MAP3K4: variants seen among roughly 807,000 people sequenced by gnomAD.
MAP3K4 encodes mitogen-activated protein kinase kinase kinase 4, also known as MAP three kinase 1.
A neutral mutation model predicts 185.6 loss-of-function variants in MAP3K4; 67 were observed. The observed-to-expected ratio is 0.36, with a 90% CI of 0.30 to 0.44. MAP3K4 has a LOEUF of 0.44. Among genes scored for constraint, MAP3K4 ranks in the 20% least tolerant of loss-of-function variants. MAP3K4 has a pLI of 1.00. For synonymous variants in MAP3K4, 702 were observed against 710.4 expected, an observed-to-expected ratio of 0.99 and a Z score of 0.19; for missense variants, 1,551 against 1,995.1, an observed-to-expected ratio of 0.78 and a Z score of 4.24.
intron 15 of MAP3K4, among the ~76,000 whole-genome samples, chr6:161,094,833 C>T (rs1463416253): frequency 2.6e-5 from 4 of 152,124 alleles, no homozygotes; most frequent in Non-Finnish European, 4.4e-5. Flanking sequence ...ATTGCTTAAG[C>T]TGTGAATAAT....
intron 1 of MAP3K4, among the ~76,000 whole-genome samples, chr6:161,013,913 C>T (rs898489061): frequency 2.6e-5 from 4 of 152,118 alleles, no homozygotes; most frequent in Non-Finnish European, 5.9e-5. Context: ...CACTGGTGGG[C>T]GTGTCTTATG....
Position 161,116,730 on chromosome 6 carries a change from T to C in MAP3K4, c.4807-120T>C, listed in dbSNP as rs548291351. 1 of 815,636 alleles carries C rather than the reference T, an allele frequency of 1.2e-6. No homozygotes were observed. Among genetic ancestry groups the C allele is most frequent in the East Asian group, 2.4e-5 (1 of 41,034 alleles). The allele number at this position is 815,636 out of a possible 1,614,324, so 50.5% of individuals were successfully genotyped here. A position where few individuals can be genotyped will look rare whatever the true frequency, so the allele number is the denominator to read the frequency against. On this transcript the variant is annotated intron_variant, in intron 26 of 26. Coordinates refer to ENST00000392142, the MANE Select transcript of MAP3K4 (RefSeq NM_005922.4). The surrounding 1 kb of genome is among the most constrained non-coding windows in gnomAD (Gnocchi z 6.2). ...CTTAAGCCTTGCCCTCTGTGCCCAG[T>C]ACAGTGCTGGGAGCATCAGGATGAG...
Position 160,992,011 on chromosome 6 carries a change from C to T in MAP3K4, c.80C>T (p.Pro27Leu). The T allele has an allele frequency of 6.5e-7, 1 of 1,548,384 alleles. No individual in the cohort carries two copies. Among genetic ancestry groups the T allele is most frequent in the Non-Finnish European group, 8.7e-7 (1 of 1,153,790 alleles). Residue 27 changes from proline to leucine, a missense_variant, in exon 1 of 27, where the codon CCA (proline) becomes CTA (leucine). Physicochemically the swap from Pro to Leu is moderately conservative, Grantham distance 98. Around this residue, in one of 16 missense-constraint regions of MAP3K4, gnomAD observed 287 missense variants for 268.8 expected, o/e 1.07. Coordinates refer to ENST00000392142, the MANE Select transcript of MAP3K4 (RefSeq NM_005922.4). ...TPAAAMEEPP[P>L]PPPPPPPPPE... Reference sequence around the variant, plus strand: ...GCCGCCGCCATGGAGGAGCCGCCGCCACCGCCGCCGCCGCCACCACCGCCA... The same window carrying T: ...GCCGCCGCCATGGAGGAGCCGCCGCTACCGCCGCCGCCGCCACCACCGCCA...
rs751449758 is a variant in MAP3K4, at chr6:161,091,986, G to GATAT, written c.3136-22_3136-19dup. The GATAT allele has an allele frequency of 6.3e-6, 10 of 1,586,446 alleles. No homozygotes were observed. In the African/African-American group the frequency reaches 1.2e-4, roughly 19 times the overall value. On this transcript the variant is annotated intron_variant, in intron 12 of 26. Coordinates refer to ENST00000392142, the MANE Select transcript of MAP3K4 (RefSeq NM_005922.4). The surrounding 1 kb of genome is among the most constrained non-coding windows in gnomAD (Gnocchi z 5.5). ...ATTTAATGATCATTTCCTTAATGTT[G>GATAT]ATATACATGAAATCTTCTTACAGTA...
In MAP3K4 at chr6:161,116,843, C is replaced by T. The variant is rs1397665382; in HGVS notation, c.4807-7C>T. 21 of 1,613,996 alleles carry T rather than the reference C, an allele frequency of 1.3e-5. No homozygotes were observed. The highest frequency in any genetic ancestry group is 1.6e-5 in the Non-Finnish European group (19 of 1,179,970). On this transcript the variant is annotated splice_region_variant and splice_polypyrimidine_tract_variant and intron_variant, in intron 26 of 26. Transcript: ENST00000392142. This position sits in a 1 kb window ranked among gnomAD's most constrained non-coding sequence, Gnocchi z 6.2. The stretch of plus-strand genomic sequence containing the variant: ...CAAGAGCTCAGCTCTCTCCTGCTTC[C>T]TCACAGGTTTGCACAGATGAAGAAT...
Position 161,097,812 on chromosome 6 carries a change from G to T in MAP3K4, c.3525-466G>T, listed in dbSNP as rs1254134315. Among the ~76,000 whole-genome samples, 3 of 152,070 alleles carry T rather than the reference G, an allele frequency of 2.0e-5. No individual in the cohort carries two copies. Among genetic ancestry groups the T allele is most frequent in the Non-Finnish European group, 4.4e-5 (3 of 68,012 alleles). On this transcript the variant is annotated intron_variant, in intron 16 of 26. Transcript: ENST00000392142. This position sits in a 1 kb window ranked among gnomAD's most constrained non-coding sequence, Gnocchi z 4.9. The stretch of plus-strand genomic sequence containing the variant: ...TTTTTAAAGCTTTGAGGGGACCGGG[G>T]TGCGGTGACTCACGCCTGTAATTCC...
intron 6 of MAP3K4, among the ~76,000 whole-genome samples, chr6:161,083,417 T>G (rs1038860294): frequency 6.6e-6 from 1 of 152,232 alleles, no homozygotes; most frequent in African/African-American, 2.4e-5. Context: ...CATTCTAGTA[T>G]TTTTGTATAA....
rs1055973098 is a variant in MAP3K4, at chr6:161,022,016, G to A, written c.153-12243G>A. ...TTTGTCTCATCCCTTATAGAATCCTGTTTTCAATGAAAAAGAAAAAAGAAG... is the reference window on the plus strand; with the variant it reads ...TTTGTCTCATCCCTTATAGAATCCTATTTTCAATGAAAAAGAAAAAAGAAG... On this transcript the variant is annotated intron_variant, in intron 1 of 26. Transcript: ENST00000392142. The surrounding 1 kb of genome is among the most constrained non-coding windows in gnomAD (Gnocchi z 4.2). Among the ~76,000 whole-genome samples, 1 of 152,076 alleles carries A rather than the reference G, an allele frequency of 6.6e-6. No individual in the cohort carries two copies. The highest frequency in any genetic ancestry group is 2.4e-5 in the African/African-American group (1 of 41,408).
Position 161,109,514 on chromosome 6 carries a change from T to C in MAP3K4, c.4237-241T>C, listed in dbSNP as rs1170187371. Among the ~76,000 whole-genome samples, 5 of 152,194 alleles carry C rather than the reference T, an allele frequency of 3.3e-5. No individual in the cohort carries two copies. Among genetic ancestry groups the C allele is most frequent in the African/African-American group, 1.2e-4 (5 of 41,444 alleles). On this transcript the variant is annotated intron_variant, in intron 22 of 26. Transcript: ENST00000392142. The surrounding 1 kb of genome is among the most constrained non-coding windows in gnomAD (Gnocchi z 5.7). ...ATAATAGAAATTGATCCCCTGTGAT[T>C]TGGAGATGTTCTTATCCCCAAGAGC... is the stretch of plus-strand genomic sequence containing the variant.
In MAP3K4 at chr6:161,100,020, T is replaced by A. The variant is rs1370760704; in HGVS notation, c.3674+1593T>A. Among the ~76,000 whole-genome samples, 1 of 152,218 alleles carries A rather than the reference T, an allele frequency of 6.6e-6. No homozygotes were observed. Among genetic ancestry groups the A allele is most frequent in the Non-Finnish European group, 1.5e-5 (1 of 68,038 alleles). ...TCATAGCATGGTATCTTGAAGGACA[T>A]TTTTTACTCAGGATTCCCGTTTACT... On this transcript the variant is annotated intron_variant, in intron 17 of 26. Transcript: ENST00000392142. This position sits in a 1 kb window ranked among gnomAD's most constrained non-coding sequence, Gnocchi z 5.8.
At chr6:161,092,173 G>C in intron 13 of MAP3K4, 30 bp downstream of exon 13, 1 of 1,612,460 alleles carries the variant, frequency 6.2e-7, no homozygotes. Context: ...TTTCTGAAAT[G>C]TGTCATGTGG....
chr6:161,089,524 A>T, intron 11 of MAP3K4, 53 bp downstream of exon 11: 2 of 1,597,570 alleles, frequency 1.3e-6, no homozygotes, highest in Non-Finnish European at 1.7e-6. Flanking sequence ...GATGAAAGTC[A>T]GTGTGTGGTA....
intron 2 of MAP3K4, among the ~76,000 whole-genome samples, chr6:161,036,847 T>G (rs1434229842): frequency 6.6e-6 from 1 of 152,192 alleles, no homozygotes; most frequent in African/African-American, 2.4e-5. Flanking sequence ...AAATGCTAAT[T>G]GGAGCATTTT....
At position 161,061,511 on chromosome 6, in the gene MAP3K4, TTTGGAG is replaced by T. The variant is rs1470718777; in HGVS notation, c.1708-9093_1708-9088del. On this transcript the variant is annotated intron_variant, in intron 3 of 26. Coordinates refer to ENST00000392142, the MANE Select transcript of MAP3K4 (RefSeq NM_005922.4). The surrounding 1 kb of genome is among the most constrained non-coding windows in gnomAD (Gnocchi z 4.2). ...TTAAAGTGTTCAGTGGTTCTCTGTA[TTTGGAG>T]TTGTGCAACCATCACCACTGCAACC... Among the ~76,000 whole-genome samples, 5 of 152,236 alleles carry T rather than the reference TTTGGAG, an allele frequency of 3.3e-5. No individual in the cohort carries two copies. The highest frequency in any genetic ancestry group is 7.3e-5 in the Non-Finnish European group (5 of 68,038).
In MAP3K4 at chr6:161,087,902, C is replaced by A. The variant is rs758821045; in HGVS notation, c.2771C>A (p.Pro924His). 6.2e-7 allele frequency: 1 copy of A among 1,614,082 alleles called. No homozygotes were observed. The change falls in exon 10 of 27, where the codon CCT becomes CAT. Residue 924 changes from proline (P) to histidine (H), a missense_variant. Pro to His is a moderately conservative substitution (Grantham distance 77). Around this residue, in one of 16 missense-constraint regions of MAP3K4, gnomAD observed 261 missense variants for 306.5 expected, o/e 0.85. Coordinates refer to ENST00000392142, the MANE Select transcript of MAP3K4 (RefSeq NM_005922.4). This position sits in a 1 kb window ranked among gnomAD's most constrained non-coding sequence, Gnocchi z 4.9. ...AGCTGGGGCACCTGGGAGGCACAGC[C>A]TGTCAAAGTCGTGCCTCAGGTGGAG... The part of the protein sequence containing the change: ...EDSWGTWEAQ[P>H]VKVVPQVETV...
In MAP3K4 at chr6:161,101,903, T is replaced by G. The variant is rs1471575892; in HGVS notation, c.3686T>G (p.Val1229Gly). Reference sequence around the variant, plus strand: ...AAATATTAAAACAGGGGTTCCAGCGTTCCTGAAAATGATCGATTGGCTTCC... The same window carrying G: ...AAATATTAAAACAGGGGTTCCAGCGGTCCTGAAAATGATCGATTGGCTTCC... Reference protein sequence around the residue: ...SSAHDTRGSSVPENDRLASIA... With the variant: ...SSAHDTRGSSGPENDRLASIA... The change falls in exon 18 of 27, where the codon GTT (valine) becomes GGT (glycine). Residue 1229 changes from valine (V) to glycine (G), a missense_variant. Physicochemically the swap from Val to Gly is moderately radical, Grantham distance 109 (BLOSUM62 -3). This residue lies in a region of MAP3K4 where 272 missense variants were observed against 301.2 expected (regional missense o/e 0.90). Coordinates refer to ENST00000392142, the MANE Select transcript of MAP3K4 (RefSeq NM_005922.4). This position sits in a 1 kb window ranked among gnomAD's most constrained non-coding sequence, Gnocchi z 5.1. 6.2e-7 allele frequency: 1 copy of G among 1,613,684 alleles called. No homozygotes were observed. Among genetic ancestry groups the G allele is most frequent in the East Asian group, 2.2e-5 (1 of 44,902 alleles).
rs1194795983 is a variant in MAP3K4, at chr6:161,070,895, A to G, written c.1950+45A>G. Reference sequence around the variant, plus strand: ...TAAAATATTTAGCAATTATTATATTATCCTACAGGCTTATCATTTTTATTT... The same window carrying G: ...TAAAATATTTAGCAATTATTATATTGTCCTACAGGCTTATCATTTTTATTT... On this transcript the variant is annotated intron_variant, in intron 4 of 26. Coordinates refer to ENST00000392142, the MANE Select transcript of MAP3K4 (RefSeq NM_005922.4). The surrounding 1 kb of genome is among the most constrained non-coding windows in gnomAD (Gnocchi z 4.5). The G allele has an allele frequency of 4.7e-6, 7 of 1,497,086 alleles. No individual in the cohort carries two copies. Among genetic ancestry groups the G allele is most frequent in the Non-Finnish European group, 5.4e-6 (6 of 1,116,204 alleles). The allele number at this position is 1,497,086 out of a possible 1,614,324, so 92.7% of individuals were successfully genotyped here.
rs1323223109 is a variant in MAP3K4 at position 161,051,120 on chromosome 6, T to G, written c.1707+1141T>G. Among the ~76,000 whole-genome samples the G allele has an allele frequency of 6.6e-6, 1 of 152,264 alleles. No homozygotes were observed. The highest frequency in any genetic ancestry group is 2.4e-5 in the African/African-American group (1 of 41,470). On this transcript the variant is annotated intron_variant, in intron 3 of 26. Coordinates refer to ENST00000392142, the MANE Select transcript of MAP3K4 (RefSeq NM_005922.4). The surrounding 1 kb of genome is among the most constrained non-coding windows in gnomAD (Gnocchi z 4.2). The stretch of plus-strand genomic sequence containing the variant: ...TAATGGCAAGAAAAAAGTTTGTACA[T>G]GTTTAATACAGATGTAGTTTTTCTT...
intron 13 of MAP3K4, among the ~76,000 whole-genome samples, 168 bp downstream of exon 13, chr6:161,092,311 A>G (rs1344574003): frequency 6.6e-6 from 1 of 152,144 alleles, no homozygotes; most frequent in Non-Finnish European, 1.5e-5. Flanking sequence ...AAAACTGCGT[A>G]ACTCTTGGGA....
Sources: gnomAD v4.1 joint callset for allele counts (sites outside exome capture counted in the v4.1 genomes callset) on GRCh38, gnomAD v4.1.1 for gene constraint, gnomAD v4.1.1 regional missense constraint, Gnocchi (gnomAD v3.1) non-coding constraint, MANE v1.5 for transcripts, NCBI Gene and HGNC (gene_info 2026-07-23, HGNC 2026-07-21) for gene names.